Variants in PCDHA2 observed in about 807,000 individuals in gnomAD.
The protein encoded by PCDHA2 is protocadherin alpha 2, also known as protocadherin alpha-2.
PCDHA2 carries 58 observed loss-of-function variants against 66.0 expected under a neutral mutation model. The ratio of observed to expected loss-of-function variants is 0.88; its 90% CI spans 0.71 to 1.09. PCDHA2 has a LOEUF of 1.09. Ranked by LOEUF, PCDHA2 falls within the 50% of genes least tolerant of loss-of-function variation. The pLI, the probability that PCDHA2 is intolerant of heterozygous loss-of-function variation, is 0.00. For synonymous variants in PCDHA2, 634 were observed against 554.0 expected (o/e 1.14, Z -2.03); for missense variants, 1,267 against 1,242.3 (o/e 1.02, Z -0.30).
At chr5:140,929,481 A>G (rs1192778322) in intron 1 of PCDHA2, 4 of 1,195,836 alleles carry the variant, frequency 3.3e-6, no homozygotes, top group Non-Finnish European at 4.5e-6. Flanking sequence ...GGAAGTATAG[A>G]AGTATTAGAA....
intron 1 of PCDHA2, chr5:140,852,531 C>G (rs1197831362): frequency 2.2e-6 from 1 of 450,452 alleles, no homozygotes; most frequent in African/African-American, 2.1e-5. Context: ...CCACCTCGGC[C>G]TCCCAAAGTG....
intron 1 of PCDHA2, chr5:140,927,303 G>T: frequency 6.2e-7 from 1 of 1,614,150 alleles, no homozygotes. Flanking sequence ...CCGAGTTCCT[G>T]ACGCCCGGAG....
intron 1 of PCDHA2, among the ~76,000 whole-genome samples, chr5:140,945,769 T>C (rs1358082978): frequency 1.3e-5 from 2 of 152,036 alleles, no homozygotes; most frequent in Non-Finnish European, 2.9e-5. Flanking sequence ...TGGGACAATT[T>C]GATATCCAGA....
At chr5:140,966,543 A>T (rs200134570) in intron 1 of PCDHA2, 4 of 461,074 alleles carry the variant, frequency 8.7e-6, no homozygotes, top group Non-Finnish European at 1.5e-5. Context: ...AGCGACTCGG[A>T]GGCGAGCGGA....
intron 3 of PCDHA2, among the ~76,000 whole-genome samples, chr5:140,996,757 G>A (rs2097743678): frequency 6.6e-6 from 1 of 152,014 alleles, no homozygotes; most frequent in South Asian, 2.1e-4. Context: ...TATCTGTGCA[G>A]GACTAAAATA....
intron 1 of PCDHA2, among the ~76,000 whole-genome samples, chr5:140,959,117 G>A (rs2095468242): frequency 6.6e-6 from 1 of 152,174 alleles, no homozygotes; most frequent in South Asian, 2.1e-4. Flanking sequence ...CCGAAGGTGG[G>A]CGAGGTGAGC....
chr5:140,805,462 T>C (rs1763575725), intron 1 of PCDHA2: 1 of 1,015,916 alleles, frequency 9.8e-7, no homozygotes, highest in Non-Finnish European at 1.2e-6. Flanking sequence ...TGTGTGAGTG[T>C]AGTTCTTCAA....
intron 1 of PCDHA2, among the ~76,000 whole-genome samples, chr5:140,937,010 C>A (rs2091260078): frequency 6.6e-6 from 1 of 151,324 alleles, no homozygotes; most frequent in Non-Finnish European, 1.5e-5. Context: ...GACAGACAAC[C>A]GATTAACAAG....
intron 3 of PCDHA2, among the ~76,000 whole-genome samples, chr5:140,986,569 T>C (rs1006962446): frequency 7.2e-5 from 11 of 152,296 alleles, no homozygotes; most frequent in East Asian, 3.9e-4. Context: ...TTATCTGTTA[T>C]TGGTTTTTCC....
intron 1 of PCDHA2, chr5:140,835,598 T>C (rs2150239108): frequency 2.1e-5 from 34 of 1,613,804 alleles, no homozygotes; most frequent in African/African-American, 4.0e-5. Flanking sequence ...AGAATTACTA[T>C]TCATTGGTGC....
At chr5:140,991,277 C>G (rs1210642530) in intron 3 of PCDHA2, among the ~76,000 whole-genome samples, 1 of 152,148 alleles carries the variant, frequency 6.6e-6, no homozygotes, top group African/African-American at 2.4e-5. Flanking sequence ...CTGCTGAACT[C>G]TATACACTTA....
chr5:140,926,223 TAGA>T, intron 1 of PCDHA2: 1 of 152,200 alleles, frequency 6.6e-6, no homozygotes, highest in Non-Finnish European at 1.5e-5. Flanking sequence ...TCCTTAAGCC[TAGA>T]AGGTGTGGTC....
Position 140,797,392 on chromosome 5 carries a change from C to A in PCDHA2, c.2388+40C>A. The A allele has an allele frequency of 1.9e-6, 3 of 1,578,016 alleles. No homozygotes were observed. The South Asian group carries it at 3.4e-5, about 18-fold the overall frequency. On this transcript the variant is annotated intron_variant, in intron 1 of 3. Transcript: ENST00000526136. ...TTTTCTTGCCAATTCTAAAATTGTT[C>A]TTTTTAAAAAATTCTATATGATTTC...
intron 1 of PCDHA2, chr5:140,836,239 G>T: frequency 1.9e-6 from 3 of 1,613,796 alleles, no homozygotes; most frequent in Non-Finnish European, 1.7e-6. Flanking sequence ...GCCGGTGCGA[G>T]CATCCCGTTC....
intron 1 of PCDHA2, chr5:140,928,975 T>C (rs2085693610): frequency 1.9e-6 from 3 of 1,613,806 alleles, no homozygotes; most frequent in African/African-American, 1.3e-5. Context: ...TTCCTTTTTA[T>C]TTCTGGGGTG....
chr5:140,925,427 G>A (rs1394500937), intron 1 of PCDHA2, among the ~76,000 whole-genome samples: 2 of 152,012 alleles, frequency 1.3e-5, no homozygotes, highest in Non-Finnish European at 2.9e-5. Context: ...CTGGTTGTAG[G>A]GTGTTAGGCA....
rs1762219064 is a variant in PCDHA2, at chr5:140,797,368, T to C, written c.2388+16T>C. On this transcript the variant is annotated intron_variant, in intron 1 of 3. Coordinates refer to ENST00000526136, the MANE Select transcript of PCDHA2 (RefSeq NM_018905.3). ...CGTAGGAAAGGTGAGTCTTTTACTT[T>C]TTCTTGCCAATTCTAAAATTGTTCT... 1.2e-6 allele frequency: 2 copies of C among 1,607,862 alleles called. No individual in the cohort carries two copies. The highest frequency in any genetic ancestry group is 3.4e-5 in the Admixed American group (2 of 59,294).
rs782731784 is a variant in PCDHA2, at chr5:140,857,723, G to A, written c.2388+60371G>A. 2.5e-6 allele frequency: 4 copies of A among 1,597,400 alleles called. No individual in the cohort carries two copies. Among genetic ancestry groups the A allele is most frequent in the Admixed American group, 1.7e-5 (1 of 59,286 alleles). On this transcript the variant is annotated intron_variant, in intron 1 of 3. Transcript: ENST00000526136. ...GCAGGTGTTCGTGCTGGACGAGAAC[G>A]ACAACGCTCCCGCGCTGCTGGCGTC...
In PCDHA2 at chr5:141,009,987, A is replaced by C. The variant is rs2154001821; in HGVS notation, c.*50A>C. The C allele has an allele frequency of 6.3e-7, 1 of 1,580,396 alleles. No individual in the cohort carries two copies. Among genetic ancestry groups the C allele is most frequent in the East Asian group, 2.2e-5 (1 of 44,670 alleles). On this transcript the variant is annotated 3_prime_UTR_variant, in exon 4 of 4. Coordinates refer to ENST00000526136, the MANE Select transcript of PCDHA2 (RefSeq NM_018905.3). The stretch of plus-strand genomic sequence containing the variant: ...TTAGCCAGTTTTTGTAATAATGGCA[A>C]ATCTCTCCCATGTAGCAATTCCCTG...
Sources: allele counts gnomAD v4.1 joint callset (sites outside exome capture counted in the v4.1 genomes callset), GRCh38; gene constraint gnomAD v4.1.1; transcripts MANE v1.5; gene names NCBI Gene and HGNC (gene_info 2026-07-23, HGNC 2026-07-21).